The following ANKRD18A variants were observed in gnomAD, a reference collection of about 807,000 sequenced individuals.
ANKRD18A encodes the protein ankyrin repeat domain 18A, also known as ankyrin repeat domain-containing protein 18A.
Under a neutral mutation model 110.6 loss-of-function variants are expected in ANKRD18A, and 72 were observed. The observed-to-expected ratio is 0.65, with a 90% CI of 0.54 to 0.79. The LOEUF (loss-of-function observed/expected upper bound fraction) is 0.79. ANKRD18A is among the 30% of genes least tolerant of loss of function. ANKRD18A has a pLI of 0.00. For synonymous variants in ANKRD18A, 305 were observed against 410.3 expected (o/e 0.74, Z 3.10); for missense variants, 934 against 1,163.3 (o/e 0.80, Z 2.87).
At position 38,574,867 on chromosome 9, in the gene ANKRD18A, G is replaced by GGGT. The variant is rs534700329; in HGVS notation, c.2964+606_2964+608dup. Among the ~76,000 whole-genome samples the GGGT allele has an allele frequency of 2.6e-5, 4 of 152,134 alleles. No homozygotes were observed. In the South Asian group the frequency reaches 8.3e-4, roughly 32 times the overall value. On this transcript the variant is annotated intron_variant, in intron 15 of 15. Coordinates refer to ENST00000399703, the MANE Select transcript of ANKRD18A (RefSeq NM_147195.4). ...TCCCAGCACTTTGGGAGGCTGAGGT[G>GGGT]GGTGGATAACAAGGTCAAGAGTTCG...
intron 3 of ANKRD18A, among the ~76,000 whole-genome samples, chr9:38,613,397 A>C (rs1335840807): frequency 6.6e-6 from 1 of 152,152 alleles, no homozygotes; most frequent in Non-Finnish European, 1.5e-5. Context: ...TTTGCTGTGA[A>C]TGTGTTGCTA....
intron 5 of ANKRD18A, among the ~76,000 whole-genome samples, chr9:38,608,422 A>T (rs546860064): frequency 6.6e-6 from 1 of 151,862 alleles, no homozygotes; most frequent in African/African-American, 2.4e-5. Context: ...TGTACTAACA[A>T]CATATTTGCA....
chr9:38,620,032 A>G, intron 1 of ANKRD18A, 48 bp downstream of exon 1: 6 of 1,543,764 alleles, frequency 3.9e-6, no homozygotes, highest in South Asian at 1.2e-5. Flanking sequence ...GCTGCAGGGA[A>G]GCCGGGCCTG....
chr9:38,601,418 G>A (rs1255191485), intron 7 of ANKRD18A, among the ~76,000 whole-genome samples: 1 of 152,110 alleles, frequency 6.6e-6, no homozygotes, highest in Non-Finnish European at 1.5e-5. Context: ...TTCAAGCCAT[G>A]CAAAAGTCTC....
chr9:38,586,352 G>A (rs1469695347), intron 11 of ANKRD18A, 40 bp from the exon 12 acceptor site: 1 of 1,447,924 alleles, frequency 6.9e-7, no homozygotes, highest in South Asian at 1.3e-5. Context: ...GTATTTTTAA[G>A]AGTAAATATT....
At chr9:38,588,961 T>C (rs1274540320) in intron 10 of ANKRD18A, among the ~76,000 whole-genome samples, 4 of 152,216 alleles carry the variant, frequency 2.6e-5, no homozygotes, top group African/African-American at 4.8e-5. Context: ...TTAAGAGTAG[T>C]AATATTTACA....
In ANKRD18A at chr9:38,589,664, T is replaced by C. The variant is rs573207602; in HGVS notation, c.2005-1001A>G. On this transcript the variant is annotated intron_variant, in intron 10 of 15. Transcript: ENST00000399703. ...TGTACACCCCAAGGTCTCTCTCTGG[T>C]CCTCCTGATTCTGCAACACCACCTC... Among the ~76,000 whole-genome samples, 15 of 152,322 alleles carry C rather than the reference T, an allele frequency of 9.8e-5. No homozygotes were observed. The East Asian group carries it at 2.3e-3, about 24-fold the overall frequency.
Position 38,600,239 on chromosome 9 carries a change from A to T in ANKRD18A, c.936+892T>A, listed in dbSNP as rs193208835. On this transcript the variant is annotated intron_variant, in intron 8 of 15. Coordinates refer to ENST00000399703, the MANE Select transcript of ANKRD18A (RefSeq NM_147195.4). ...AGAAATAGGTTCACAGATGATATGT[A>T]GTATCTAAAGGCTTTCTCTCTTGAA... 4.6e-3 allele frequency among the ~76,000 whole-genome samples: 696 copies of T among 152,330 alleles called. 6 individuals carry two copies. Among genetic ancestry groups the T allele is most frequent in the Non-Finnish European group, 7.0e-3 (473 of 68,024 alleles).
chr9:38,580,404 C>T (rs1824106781), intron 12 of ANKRD18A, among the ~76,000 whole-genome samples: 1 of 152,158 alleles, frequency 6.6e-6, no homozygotes, highest in African/African-American at 2.4e-5. Context: ...AGAGCCCAGA[C>T]TACACTAGCA....
rs537576628 is a variant in ANKRD18A, at chr9:38,587,416, C to T, written c.2118-1104G>A. Among the ~76,000 whole-genome samples, 4 of 152,136 alleles carry T rather than the reference C, an allele frequency of 2.6e-5. No individual in the cohort carries two copies. In the East Asian group the frequency reaches 7.7e-4, roughly 29 times the overall value. On this transcript the variant is annotated intron_variant, in intron 11 of 15. Transcript: ENST00000399703. ...AAAGTCTGTGATCAAAACATGAATGCTCATTTTACTCTTTTTCTTTAGGTT... is the reference window on the plus strand; with the variant it reads ...AAAGTCTGTGATCAAAACATGAATGTTCATTTTACTCTTTTTCTTTAGGTT...
chr9:38,612,736 C>T (rs1443172969), intron 3 of ANKRD18A, among the ~76,000 whole-genome samples: 1 of 152,050 alleles, frequency 6.6e-6, no homozygotes, highest in Non-Finnish European at 1.5e-5. Context: ...CCAGGATGGT[C>T]TCCATCTCCT....
rs1826053737 is a variant in ANKRD18A, at chr9:38,620,542, G to C, written c.-257C>G. 1.5e-6 allele frequency: 2 copies of C among 1,317,530 alleles called. No individual in the cohort carries two copies. Among genetic ancestry groups the C allele is most frequent in the South Asian group, 1.8e-5 (1 of 54,354 alleles). 81.6% of individuals were successfully genotyped at this position (1,317,530 alleles called of 1,614,324 possible). On this transcript the variant is annotated 5_prime_UTR_variant, in exon 1 of 16. Transcript: ENST00000399703. The stretch of plus-strand genomic sequence containing the variant: ...CGACCTCTCAGACCGAGTGAGCCCA[G>C]CTAAGCCGTTAGGCGCGCGCCTGAA...
intron 5 of ANKRD18A, among the ~76,000 whole-genome samples, chr9:38,609,484 A>AAAAAC (rs527291218): frequency 1.5e-4 from 23 of 152,044 alleles, no homozygotes; most frequent in South Asian, 1.0e-3. Context: ...CCGTCTCGAA[A>AAAAAC]AAAACAAAAC....
intron 15 of ANKRD18A, among the ~76,000 whole-genome samples, chr9:38,575,247 C>CA (rs1190331495): frequency 2.6e-5 from 4 of 152,090 alleles, no homozygotes; most frequent in South Asian, 2.1e-4. Context: ...TTAAATGTGT[C>CA]AGTTTAACCA....
chr9:38,605,708 G>C (rs191557876), intron 6 of ANKRD18A, among the ~76,000 whole-genome samples: 38 of 152,224 alleles, frequency 2.5e-4, no homozygotes, highest in African/African-American at 8.2e-4. Flanking sequence ...CCACCTCCTG[G>C]GTTCAAGCAA....
Position 38,575,538 on chromosome 9 carries a change from C to T in ANKRD18A, c.2902G>A (p.Ala968Thr). ...GGGTTTGAAGTAGGAATTCTTATGG[C>T]CGTTTTGGGAATATATTTTCTGTTG... ...ELNRKYIPKT[A>T]IRIPTSNPQT... Residue 968 changes from alanine to threonine, a missense_variant, in exon 15 of 16, where the codon GCC becomes ACC. Ala to Thr is a moderately conservative substitution (Grantham distance 58, BLOSUM62 0). This residue lies in a region of ANKRD18A where 223 missense variants were observed against 226.7 expected (regional missense o/e 0.98). Transcript: ENST00000399703. 1 of 1,551,424 alleles carries T rather than the reference C, an allele frequency of 6.4e-7. No homozygotes were observed. The highest frequency in any genetic ancestry group is 2.4e-5 in the East Asian group (1 of 40,870).
downstream of ANKRD18A, among the ~76,000 whole-genome samples, chr9:38,570,499 CTGACTAGGCTTCCAA>C (rs1563950259): frequency 6.6e-6 from 1 of 152,362 alleles, no homozygotes; most frequent in Admixed American, 6.5e-5. Context: ...CAGGTCCCCA[CTGACTAGGCTTCCAA>C]TGACTAGGTC....
Position 38,607,415 on chromosome 9 carries a change from A to G in ANKRD18A, c.808+11T>C. On this transcript the variant is annotated intron_variant, in intron 6 of 15. Coordinates refer to ENST00000399703, the MANE Select transcript of ANKRD18A (RefSeq NM_147195.4). ...CAAGGGAAATGAGAAATTTACTATC[A>G]GAAGTCTTACCTTGATTGTCATTTC... The G allele has an allele frequency of 6.8e-7, 1 of 1,468,564 alleles. No individual in the cohort carries two copies. Among genetic ancestry groups the G allele is most frequent in the Non-Finnish European group, 9.1e-7 (1 of 1,104,558 alleles). The allele number at this position is 1,468,564 out of a possible 1,614,324, so 91.0% of individuals were successfully genotyped here.
chr9:38,614,219 GTTTT>G (rs58955752), intron 3 of ANKRD18A, among the ~76,000 whole-genome samples: 1 of 68,804 alleles, frequency 1.5e-5, no homozygotes. Flanking sequence ...GAACACTGAG[GTTTT>G]TTTTTTTTTT....
Sources: gnomAD v4.1 joint callset for allele counts (sites outside exome capture counted in the v4.1 genomes callset) on GRCh38, gnomAD v4.1.1 for gene constraint, gnomAD v4.1.1 regional missense constraint, MANE v1.5 for transcripts, NCBI Gene and HGNC (gene_info 2026-07-23, HGNC 2026-07-21) for gene names.